The following OR4D9 variants were observed in gnomAD, a reference collection of about 807,000 sequenced individuals.
The protein encoded by OR4D9 is olfactory receptor family 4 subfamily D member 9.
Under a neutral mutation model 0.8 loss-of-function variants are expected in OR4D9, and 2 were observed. The ratio of observed to expected loss-of-function variants is 2.58; its 90% CI spans 1.06 to 8.13. The LOEUF (loss-of-function observed/expected upper bound fraction) is 8.13. Ranked by LOEUF, OR4D9 falls within the 30% of genes most tolerant of loss-of-function variation. The pLI is 0.04. For synonymous variants in OR4D9, 146 were observed against 151.2 expected (o/e 0.97, Z 0.25); for missense variants, 399 against 384.7 (o/e 1.04, Z -0.31).
Position 59,519,212 on chromosome 11 carries a change from G to C in OR4D9, c.*3355G>C, listed in dbSNP as rs1350944769. The C allele has an allele frequency of 6.6e-6, 1 of 152,118 alleles. No homozygotes were observed. Among genetic ancestry groups the C allele is most frequent in the Non-Finnish European group, 1.5e-5 (1 of 68,106 alleles). 9.4% of individuals were successfully genotyped at this position (152,118 alleles called of 1,614,324 possible). Reference sequence around the variant, plus strand: ...TACAAAAAATATAAAAATTAGCAGAGCATGGTGGCACACGCCTGTAGTCCT... The same window carrying C: ...TACAAAAAATATAAAAATTAGCAGACCATGGTGGCACACGCCTGTAGTCCT... On this transcript the variant is annotated 3_prime_UTR_variant, in exon 3 of 3. Coordinates refer to ENST00000641962, the MANE Select transcript of OR4D9 (RefSeq NM_001004711.2).
chr11:59,517,890 A>G lies in OR4D9; in HGVS notation c.*2033A>G, dbSNP rs944788469. On this transcript the variant is annotated 3_prime_UTR_variant, in exon 3 of 3. Transcript: ENST00000641962. ...TGTGGACAGCTCCTTTGATTTTGAG[A>G]AAAAAATGAGCAAAGGCAGATGCCA... 2 of 151,958 alleles carry G rather than the reference A, an allele frequency of 1.3e-5. No individual in the cohort carries two copies. The highest frequency in any genetic ancestry group is 4.8e-5 in the African/African-American group (2 of 41,344). The allele number at this position is 151,958 out of a possible 1,614,324, so 9.4% of individuals were successfully genotyped here. A position where few individuals can be genotyped will look rare whatever the true frequency, so the allele number is the denominator to read the frequency against.
rs777589359 is a variant in OR4D9, at chr11:59,516,794, G to C, written c.*937G>C. 1 of 152,024 alleles carries C rather than the reference G, an allele frequency of 6.6e-6. No homozygotes were observed. The highest frequency in any genetic ancestry group is 1.5e-5 in the Non-Finnish European group (1 of 68,062). 9.4% of individuals were successfully genotyped at this position (152,024 alleles called of 1,614,324 possible). A position where few individuals can be genotyped will look rare whatever the true frequency, so the allele number is the denominator to read the frequency against. ...AAAATCATGATAATAGGCCGGGCGC[G>C]GTGGCTTATGCCTGTAATCCCAGCA... On this transcript the variant is annotated 3_prime_UTR_variant, in exon 3 of 3. Coordinates refer to ENST00000641962, the MANE Select transcript of OR4D9 (RefSeq NM_001004711.2).
chr11:59,516,045 CTT>C lies in OR4D9; in HGVS notation c.*190_*191del. ...GCTCTAAGACAAAATCCACTCAAGT[CTT>C]TCCCTACTCACTTTCAATTATTCAT... On this transcript the variant is annotated 3_prime_UTR_variant, in exon 3 of 3. Coordinates refer to ENST00000641962, the MANE Select transcript of OR4D9 (RefSeq NM_001004711.2). 1 of 548,510 alleles carries C rather than the reference CTT, an allele frequency of 1.8e-6. No individual in the cohort carries two copies. Among genetic ancestry groups the C allele is most frequent in the African/African-American group, 1.9e-5 (1 of 53,160 alleles). 34.0% of individuals were successfully genotyped at this position (548,510 alleles called of 1,614,324 possible).
intron 1 of OR4D9, among the ~76,000 whole-genome samples, chr11:59,514,273 C>A (rs1271618891): frequency 6.6e-6 from 1 of 152,198 alleles, no homozygotes; most frequent in Non-Finnish European, 1.5e-5. Flanking sequence ...TCTTCACCAC[C>A]ACTTTTTCAT....
intron 1 of OR4D9, among the ~76,000 whole-genome samples, chr11:59,514,100 T>G (rs1348563039): frequency 6.6e-6 from 1 of 152,190 alleles, no homozygotes; most frequent in Non-Finnish European, 1.5e-5. Context: ...TACAGATAGA[T>G]CCTTTAAAAG....
chr11:59,514,693 T>C lies in OR4D9; in HGVS notation c.-104T>C. 2.3e-6 allele frequency: 1 copy of C among 443,860 alleles called. No homozygotes were observed. Among genetic ancestry groups the C allele is most frequent in the Admixed American group, 3.9e-5 (1 of 25,434 alleles). 27.5% of individuals were successfully genotyped at this position (443,860 alleles called of 1,614,324 possible). ...TTCAGCAGCAGCAGTGAGAGAACTT[T>C]GTCTCCTGGGATGACTGAATCAAAA... is the stretch of plus-strand genomic sequence containing the variant. On this transcript the variant is annotated 5_prime_UTR_variant, in exon 2 of 3. Transcript: ENST00000641962.
Position 59,512,526 on chromosome 11 carries a change from A to G in OR4D9, c.-125+780A>G, listed in dbSNP as rs34175987. Among the ~76,000 whole-genome samples the G allele has an allele frequency of 5.9e-3, 903 of 151,914 alleles. 5 individuals are homozygous for G. The highest frequency in any genetic ancestry group is 9.1e-3 in the Non-Finnish European group (618 of 67,958). ...TCAAATCCATACGTGAGTAAAAAAT[A>G]AAACGGTAACTCTTGAGTTGGTCAC... On this transcript the variant is annotated intron_variant, in intron 1 of 2. Transcript: ENST00000641962.
In OR4D9 at chr11:59,519,690, C is replaced by A. The variant is rs1190318064; in HGVS notation, c.*3833C>A. On this transcript the variant is annotated 3_prime_UTR_variant, in exon 3 of 3. Transcript: ENST00000641962. Reference sequence around the variant, plus strand: ...AGCAATGAATGTTCTCCAAAACTACCATTTGACGCAGCAATCCCATTGCTG... The same window carrying A: ...AGCAATGAATGTTCTCCAAAACTACAATTTGACGCAGCAATCCCATTGCTG... 4 of 152,128 alleles carry A rather than the reference C, an allele frequency of 2.6e-5. No homozygotes were observed. The highest frequency in any genetic ancestry group is 5.9e-5 in the Non-Finnish European group (4 of 68,026). 9.4% of individuals were successfully genotyped at this position (152,128 alleles called of 1,614,324 possible). A position where few individuals can be genotyped will look rare whatever the true frequency, so the allele number is the denominator to read the frequency against.
At position 59,516,015 on chromosome 11, in the gene OR4D9, A is replaced by G; in HGVS notation, c.*158A>G. 1 of 605,132 alleles carries G rather than the reference A, an allele frequency of 1.7e-6. No homozygotes were observed. The highest frequency in any genetic ancestry group is 2.8e-5 in the East Asian group (1 of 36,180). 37.5% of individuals were successfully genotyped at this position (605,132 alleles called of 1,614,324 possible). A position where few individuals can be genotyped will look rare whatever the true frequency, so the allele number is the denominator to read the frequency against. On this transcript the variant is annotated 3_prime_UTR_variant, in exon 3 of 3. Coordinates refer to ENST00000641962, the MANE Select transcript of OR4D9 (RefSeq NM_001004711.2). ...ATATATGTTGGGGACCACGTGGATG[A>G]TACTGCTCTAAGACAAAATCCACTC...
chr11:59,516,261 G>C lies in OR4D9; in HGVS notation c.*404G>C. ...CTTTGGGAGGCCAAGGCAGGCAGAT[G>C]ACCTGAGGTCGGGAGTTCAAGACCA... On this transcript the variant is annotated 3_prime_UTR_variant, in exon 3 of 3. Transcript: ENST00000641962. 1 of 159,486 alleles carries C rather than the reference G, an allele frequency of 6.3e-6. No individual in the cohort carries two copies. Among genetic ancestry groups the C allele is most frequent in the Non-Finnish European group, 1.4e-5 (1 of 72,708 alleles). The allele number at this position is 159,486 out of a possible 1,614,324, so 9.9% of individuals were successfully genotyped here.
Position 59,517,059 on chromosome 11 carries a change from A to T in OR4D9, c.*1202A>T, listed in dbSNP as rs775150998. On this transcript the variant is annotated 3_prime_UTR_variant, in exon 3 of 3. Coordinates refer to ENST00000641962, the MANE Select transcript of OR4D9 (RefSeq NM_001004711.2). The stretch of plus-strand genomic sequence containing the variant: ...ACTCCAGCCTGGGCAACAGAGCAAG[A>T]CTCTGTCCAAAAATAATAATAATAA... 6.6e-6 allele frequency: 1 copy of T among 151,790 alleles called. No homozygotes were observed. The highest frequency in any genetic ancestry group is 1.5e-5 in the Non-Finnish European group (1 of 67,984). The allele number at this position is 151,790 out of a possible 1,614,324, so 9.4% of individuals were successfully genotyped here.
intron 1 of OR4D9, among the ~76,000 whole-genome samples, chr11:59,512,207 G>C (rs1278059021): frequency 6.6e-6 from 1 of 152,200 alleles, no homozygotes; most frequent in East Asian, 1.9e-4. Flanking sequence ...TGGGGTATGG[G>C]GGGGAATCCT....
In OR4D9 at chr11:59,520,340, A is replaced by G. The variant is rs560180941; in HGVS notation, c.*4483A>G. 6.6e-6 allele frequency: 1 copy of G among 151,560 alleles called. No homozygotes were observed. Among genetic ancestry groups the G allele is most frequent in the Admixed American group, 6.6e-5 (1 of 15,214 alleles). The allele number at this position is 151,560 out of a possible 1,614,324, so 9.4% of individuals were successfully genotyped here. On this transcript the variant is annotated 3_prime_UTR_variant, in exon 3 of 3. Transcript: ENST00000641962. ...AATGTTATCTTCTTTGCTGATTGACATTTCCTGTGTTCTATTTCTACCACT... is the reference window on the plus strand; with the variant it reads ...AATGTTATCTTCTTTGCTGATTGACGTTTCCTGTGTTCTATTTCTACCACT...
intron 1 of OR4D9, among the ~76,000 whole-genome samples, chr11:59,513,568 G>A (rs1442070366): frequency 6.6e-6 from 1 of 152,138 alleles, no homozygotes; most frequent in African/African-American, 2.4e-5. Context: ...AGTATTGTGT[G>A]AACGTAACAC....
intron 1 of OR4D9, among the ~76,000 whole-genome samples, chr11:59,512,489 A>G (rs939736215): frequency 1.3e-5 from 2 of 151,150 alleles, no homozygotes; most frequent in African/African-American, 4.9e-5. Flanking sequence ...AAAAAAAAAA[A>G]AAAAGAACAT....
Position 59,520,471 on chromosome 11 carries a change from G to A in OR4D9, c.*4614G>A, listed in dbSNP as rs1308270031. ...TCTAGGGACTGTTGTGGGGTGGGGGGAGGGGGGAGGGATAGCATTAGGAGA... is the reference window on the plus strand; with the variant it reads ...TCTAGGGACTGTTGTGGGGTGGGGGAAGGGGGGAGGGATAGCATTAGGAGA... On this transcript the variant is annotated 3_prime_UTR_variant, in exon 3 of 3. Coordinates refer to ENST00000641962, the MANE Select transcript of OR4D9 (RefSeq NM_001004711.2). The A allele has an allele frequency of 1.0e-5, 1 of 100,108 alleles. No homozygotes were observed. The highest frequency in any genetic ancestry group is 1.9e-5 in the Non-Finnish European group (1 of 53,480). 6.2% of individuals were successfully genotyped at this position (100,108 alleles called of 1,614,324 possible).
In OR4D9 at chr11:59,515,909, A is replaced by G. The variant is rs767493816; in HGVS notation, c.*52A>G. ...ATAGACATTAAATTTCACTTTCTCA[A>G]AATGGGAAAGGAGCTTGTTCATGCC... On this transcript the variant is annotated 3_prime_UTR_variant, in exon 3 of 3. Coordinates refer to ENST00000641962, the MANE Select transcript of OR4D9 (RefSeq NM_001004711.2). The G allele has an allele frequency of 5.2e-6, 7 of 1,351,744 alleles. No individual in the cohort carries two copies. Among genetic ancestry groups the G allele is most frequent in the Non-Finnish European group, 4.0e-6 (4 of 994,700 alleles). 83.7% of individuals were successfully genotyped at this position (1,351,744 alleles called of 1,614,324 possible). A position where few individuals can be genotyped will look rare whatever the true frequency, so the allele number is the denominator to read the frequency against.
chr11:59,520,644 A>G lies in OR4D9; in HGVS notation c.*4787A>G, dbSNP rs989909078. On this transcript the variant is annotated 3_prime_UTR_variant, in exon 3 of 3. Transcript: ENST00000641962. Reference sequence around the variant, plus strand: ...AAAAAAGAAAAGATAAATGAAGTCAATTGAGGAGATAATAGGGTTTTATTT... The same window carrying G: ...AAAAAAGAAAAGATAAATGAAGTCAGTTGAGGAGATAATAGGGTTTTATTT... 6.6e-6 allele frequency: 1 copy of G among 152,190 alleles called. No homozygotes were observed. The highest frequency in any genetic ancestry group is 1.9e-4 in the East Asian group (1 of 5,192). 9.4% of individuals were successfully genotyped at this position (152,190 alleles called of 1,614,324 possible).
At chr11:59,513,160 C>G (rs751261178) in intron 1 of OR4D9, among the ~76,000 whole-genome samples, 1 of 152,094 alleles carries the variant, frequency 6.6e-6, no homozygotes, top group Admixed American at 6.6e-5. Context: ...TGACAACCTC[C>G]GTCTCCTGTG....
Sources: gnomAD v4.1 joint callset for allele counts (sites outside exome capture counted in the v4.1 genomes callset) on GRCh38, gnomAD v4.1.1 for gene constraint, MANE v1.5 for transcripts, NCBI Gene and HGNC (gene_info 2026-07-23, HGNC 2026-07-21) for gene names.